Variants in AK4 observed in about 807,000 individuals in gnomAD.
AK4 encodes the protein adenylate kinase 4, also known as adenylate kinase 4, mitochondrial.
In AK4, 13 loss-of-function variants were observed where a neutral mutation model predicts 24.6. That is an observed-to-expected ratio of 0.53 (90% CI 0.34 to 0.84). The LOEUF is 0.84. AK4 is among the 40% of genes least tolerant of loss of function. The pLI, the probability that AK4 is intolerant of heterozygous loss-of-function variation, is 0.01. For synonymous variants in AK4, 88 were observed against 107.0 expected (o/e 0.82, Z 1.10); for missense variants, 192 against 288.2 (o/e 0.67, Z 2.42).
At chr1:65,194,472 C>CTT (rs1285375634) in intron 2 of AK4, among the ~76,000 whole-genome samples, 1 of 147,382 alleles carries the variant, frequency 6.8e-6, no homozygotes, top group Non-Finnish European at 1.5e-5. Flanking sequence ...TGAGTAATTT[C>CTT]TTTTTTTTTT....
At chr1:65,181,775 C>T (rs1232114898) in intron 1 of AK4, among the ~76,000 whole-genome samples, 1 of 152,146 alleles carries the variant, frequency 6.6e-6, no homozygotes, top group Non-Finnish European at 1.5e-5. Context: ...TTTTGATAGG[C>T]CAAGTTGTCA....
chr1:65,182,962 A>G (rs150252407), intron 1 of AK4, among the ~76,000 whole-genome samples: 9 of 152,234 alleles, frequency 5.9e-5, no homozygotes, highest in Non-Finnish European at 1.2e-4. Flanking sequence ...AATTCCATGA[A>G]CTTTTGCTAT....
At chr1:65,198,570 CAGCCACACATGGTA>C (rs1651559528) in intron 2 of AK4, among the ~76,000 whole-genome samples, 1 of 152,132 alleles carries the variant, frequency 6.6e-6, no homozygotes, top group East Asian at 1.9e-4. Context: ...GACATATATT[CAGCCACACATGGTA>C]CAGGTGAGGT....
Position 65,203,685 on chromosome 1 carries a change from T to C in AK4, c.265+12856T>C, listed in dbSNP as rs538444361. On this transcript the variant is annotated intron_variant, in intron 2 of 4. Transcript: ENST00000327299. ...CAGGCGTGGTGGTGTGCACCTGTAA[T>C]CCCAGCTACTTGGGAGGGCTGAGGC... 7.1e-4 allele frequency among the ~76,000 whole-genome samples: 108 copies of C among 152,148 alleles called. 1 individual carries two copies. The highest frequency in any genetic ancestry group is 2.4e-3 in the African/African-American group (100 of 41,504).
intron 2 of AK4, among the ~76,000 whole-genome samples, chr1:65,201,545 A>G (rs1206575597): frequency 6.6e-6 from 1 of 152,214 alleles, no homozygotes; most frequent in African/African-American, 2.4e-5. Context: ...CAAATTGAGT[A>G]TACATTTTTT....
At chr1:65,190,535 G>A (rs1651272162) in intron 1 of AK4, among the ~76,000 whole-genome samples, 175 bp from the exon 2 acceptor site, 2 of 152,022 alleles carry the variant, frequency 1.3e-5, no homozygotes, top group African/African-American at 4.8e-5. Context: ...TGTTAAATAA[G>A]CAACAGTCCC....
chr1:65,204,203 A>ATTT (rs35676370), intron 2 of AK4, among the ~76,000 whole-genome samples: 38 of 144,122 alleles, frequency 2.6e-4, no homozygotes, highest in Admixed American at 7.0e-4. Context: ...ATCTTACTGA[A>ATTT]TTTTTTTTTT....
At chr1:65,220,529 G>A (rs984103707) in intron 3 of AK4, among the ~76,000 whole-genome samples, 2 of 152,202 alleles carry the variant, frequency 1.3e-5, no homozygotes, top group Non-Finnish European at 2.9e-5. Flanking sequence ...AGGCTGGAGT[G>A]CAGTGGCGTG....
intron 2 of AK4, among the ~76,000 whole-genome samples, chr1:65,198,251 A>G (rs1293708551): frequency 6.6e-6 from 1 of 152,210 alleles, no homozygotes; most frequent in Non-Finnish European, 1.5e-5. Flanking sequence ...TAGTTGTAAA[A>G]TTTGTGGAGC....
intron 2 of AK4, among the ~76,000 whole-genome samples, chr1:65,215,399 TG>T (rs936793397): frequency 1.3e-4 from 20 of 152,206 alleles, no homozygotes; most frequent in African/African-American, 4.8e-4. Flanking sequence ...CTTGATCTCT[TG>T]ATCTCAGGTC....
chr1:65,158,565 A>G (rs540156216), intron 1 of AK4, among the ~76,000 whole-genome samples: 2 of 151,970 alleles, frequency 1.3e-5, no homozygotes, highest in African/African-American at 4.8e-5. Context: ...CAGTGGTGTG[A>G]TCTTGGCTCA....
Position 65,174,325 on chromosome 1 carries a change from C to G in AK4, c.146-16385C>G, listed in dbSNP as rs1650638295. Among the ~76,000 whole-genome samples the G allele has an allele frequency of 2.0e-5, 3 of 152,062 alleles. No homozygotes were observed. The South Asian group carries it at 6.2e-4, about 32-fold the overall frequency. On this transcript the variant is annotated intron_variant, in intron 1 of 4. Coordinates refer to ENST00000327299, the MANE Select transcript of AK4 (RefSeq NM_013410.4). ...ATTTTTAGATGAAGTTTATTTTCCCCCAAGTCTCTCTAAGAATACAAGGAA... is the reference window on the plus strand; with the variant it reads ...ATTTTTAGATGAAGTTTATTTTCCCGCAAGTCTCTCTAAGAATACAAGGAA...
At chr1:65,217,278 T>A (rs547101918) in intron 2 of AK4, among the ~76,000 whole-genome samples, 25 of 152,302 alleles carry the variant, frequency 1.6e-4, no homozygotes, top group African/African-American at 5.5e-4. Context: ...TGCATATTCA[T>A]GTTTGAGCCA....
At chr1:65,204,203 A>ATT (rs35676370) in intron 2 of AK4, among the ~76,000 whole-genome samples, 5,821 of 144,116 alleles carry the variant, frequency 0.04, 142 homozygotes, top group Non-Finnish European at 0.057. Context: ...ATCTTACTGA[A>ATT]TTTTTTTTTT....
intron 1 of AK4, among the ~76,000 whole-genome samples, chr1:65,185,073 G>C (rs1651051583): frequency 6.6e-6 from 1 of 152,152 alleles, no homozygotes; most frequent in Non-Finnish European, 1.5e-5. Context: ...ATTAACTCAA[G>C]GTTCTCTCTC....
intron 1 of AK4, among the ~76,000 whole-genome samples, chr1:65,182,917 A>G (rs1292844967): frequency 6.6e-6 from 1 of 152,204 alleles, no homozygotes; most frequent in Non-Finnish European, 1.5e-5. Flanking sequence ...TGTGATAACT[A>G]CTGACTGTTT....
intron 1 of AK4, among the ~76,000 whole-genome samples, chr1:65,158,504 A>AT (rs949579817): frequency 9.9e-5 from 15 of 150,810 alleles, no homozygotes; most frequent in East Asian, 1.9e-4. Flanking sequence ...AGCAAACTAG[A>AT]TTTTTTTTTT....
chr1:65,173,551 C>A (rs1386612192), intron 1 of AK4, among the ~76,000 whole-genome samples: 1 of 152,156 alleles, frequency 6.6e-6, no homozygotes, highest in African/African-American at 2.4e-5. Context: ...TGTATGACTT[C>A]ATCCCATGTT....
intron 1 of AK4, among the ~76,000 whole-genome samples, chr1:65,162,314 A>G (rs1054799691): frequency 2.0e-5 from 3 of 152,110 alleles, no homozygotes; most frequent in African/African-American, 7.2e-5. Context: ...ACTCTCAGTA[A>G]GTGGAGAGGA....
Sources: allele counts gnomAD v4.1 joint callset (sites outside exome capture counted in the v4.1 genomes callset), GRCh38; gene constraint gnomAD v4.1.1; transcripts MANE v1.5; gene names NCBI Gene and HGNC (gene_info 2026-07-23, HGNC 2026-07-21).